Variants in ACSM2A observed in about 807,000 individuals in gnomAD.
The protein encoded by ACSM2A is acyl-coenzyme A synthetase ACSM2A, mitochondrial.
Under a neutral mutation model 76.6 loss-of-function variants are expected in ACSM2A, and 72 were observed. That is an observed-to-expected ratio of 0.94 (90% CI 0.78 to 1.14). The LOEUF is 1.14. ACSM2A is among the 50% of genes most tolerant of loss of function. ACSM2A has a pLI of 0.00. For missense variants in ACSM2A, 684 were observed against 708.5 expected (o/e 0.97, Z 0.39); for synonymous variants, 249 against 255.9 (o/e 0.97, Z 0.26).
Position 20,486,681 on chromosome 16 carries a change from C to T in ACSM2A, c.*3C>T, listed in dbSNP as rs2014398827. The T allele has an allele frequency of 6.2e-7, 1 of 1,614,012 alleles. No homozygotes were observed. The highest frequency in any genetic ancestry group is 8.5e-7 in the Non-Finnish European group (1 of 1,179,878). On this transcript the variant is annotated 3_prime_UTR_variant, in exon 14 of 14. Transcript: ENST00000573854. ...CCGGAAAAGCCCGTGCGCAGTGAGA[C>T]ATCTAAGAGACATTCATTTGGATTC... is the stretch of plus-strand genomic sequence containing the variant.
chr16:20,466,912 T>G (rs35901815), intron 3 of ACSM2A, among the ~76,000 whole-genome samples: 1 of 152,164 alleles, frequency 6.6e-6, no homozygotes, highest in African/African-American at 2.4e-5. Flanking sequence ...GTTATTTTTC[T>G]AAAGGCAGTT....
intron 6 of ACSM2A, chr16:20,474,013 G>C (rs1157791541): frequency 2.2e-6 from 1 of 446,536 alleles, no homozygotes; most frequent in Non-Finnish European, 4.5e-6. Flanking sequence ...CTACCTATAA[G>C]CTGGAAGCCC....
chr16:20,465,347 A>T (rs1433683678), intron 2 of ACSM2A, among the ~76,000 whole-genome samples, 170 bp from the exon 3 acceptor site: 1 of 152,232 alleles, frequency 6.6e-6, no homozygotes, highest in African/African-American at 2.4e-5. Context: ...GACAGATATA[A>T]CTCATATAAA....
At chr16:20,458,307 A>C (rs1206115413) in intron 1 of ACSM2A, among the ~76,000 whole-genome samples, 2 of 148,254 alleles carry the variant, frequency 1.3e-5, no homozygotes, top group Admixed American at 6.8e-5. Flanking sequence ...AAAAAATCCA[A>C]AAATATTGTA....
At chr16:20,454,300 A>G in intron 1 of ACSM2A, among the ~76,000 whole-genome samples, 1 of 151,532 alleles carries the variant, frequency 6.6e-6, no homozygotes, top group Non-Finnish European at 1.5e-5. Context: ...TAGATTGGAA[A>G]AGAATGAGAC....
intron 6 of ACSM2A, among the ~76,000 whole-genome samples, chr16:20,474,531 TA>T (rs1214180095): frequency 6.6e-6 from 1 of 152,126 alleles, no homozygotes; most frequent in Admixed American, 6.5e-5. Context: ...CTGCAAGAAA[TA>T]AATTTATTTT....
At chr16:20,474,701 A>T (rs573735768) in intron 6 of ACSM2A, among the ~76,000 whole-genome samples, 3 of 152,302 alleles carry the variant, frequency 2.0e-5, no homozygotes, top group African/African-American at 7.2e-5. Flanking sequence ...CTTGCTGACT[A>T]GGTGACCTTG....
intron 2 of ACSM2A, among the ~76,000 whole-genome samples, chr16:20,464,357 C>T (rs2355906): frequency 0.072 from 11,027 of 152,192 alleles, 593 homozygotes; most frequent in East Asian, 0.2. Context: ...ATACCTGAGA[C>T]TAGGTAACTT....
At chr16:20,475,045 T>A (rs1411885125) in intron 6 of ACSM2A, among the ~76,000 whole-genome samples, 1 of 152,026 alleles carries the variant, frequency 6.6e-6, no homozygotes, top group Non-Finnish European at 1.5e-5. Flanking sequence ...TGCTGGGGGG[T>A]GATCTACTCC....
chr16:20,481,836 A>G (rs1333085089), intron 12 of ACSM2A: 1 of 125,064 alleles, frequency 8.0e-6, no homozygotes, highest in Non-Finnish European at 1.7e-5. Flanking sequence ...CTTGTACCCA[A>G]TACATATGTA....
chr16:20,469,872 ATTTT>A (rs35674523), intron 4 of ACSM2A, among the ~76,000 whole-genome samples, 153 bp downstream of exon 4: 8 of 67,718 alleles, frequency 1.2e-4, no homozygotes, highest in East Asian at 1.4e-3. Flanking sequence ...ACACAAGGGT[ATTTT>A]TTTTTTTTTT....
chr16:20,480,310 G>A (rs886551146), intron 10 of ACSM2A, among the ~76,000 whole-genome samples: 2 of 152,230 alleles, frequency 1.3e-5, no homozygotes, highest in African/African-American at 4.8e-5. Flanking sequence ...AAGCATGGAT[G>A]AATGAATACA....
intron 4 of ACSM2A, among the ~76,000 whole-genome samples, chr16:20,469,958 A>G (rs1297264390): frequency 6.7e-6 from 1 of 148,962 alleles, no homozygotes; most frequent in Non-Finnish European, 1.5e-5. Flanking sequence ...AGCATATAGA[A>G]TGCCTCCCAG....
chr16:20,473,150 A>C (rs1165265451), intron 6 of ACSM2A, among the ~76,000 whole-genome samples: 1 of 152,162 alleles, frequency 6.6e-6, no homozygotes, highest in African/African-American at 2.4e-5. Context: ...CCAGACATCT[A>C]TTTGGCTGCA....
intron 3 of ACSM2A, among the ~76,000 whole-genome samples, chr16:20,466,957 A>G (rs1386073725): frequency 3.9e-5 from 6 of 152,208 alleles, no homozygotes; most frequent in African/African-American, 1.2e-4. Flanking sequence ...TAGTTTCAGG[A>G]AAGAGCTATT....
At chr16:20,482,134 CAAAAAAAAAA>C (rs768615976) in intron 12 of ACSM2A, 1 of 49,736 alleles carries the variant, frequency 2.0e-5, no homozygotes, top group South Asian at 7.5e-4. Context: ...GACTCTGTCT[CAAAAAAAAAA>C]AAAAAAAAAA....
At chr16:20,475,848 T>C in intron 8 of ACSM2A, 75 bp downstream of exon 8, 1 of 1,597,706 alleles carries the variant, frequency 6.3e-7, no homozygotes, top group Non-Finnish European at 8.5e-7. Flanking sequence ...ATAAAAATTG[T>C]TAGCCACCAT....
chr16:20,461,557 A>C (rs997165367), intron 2 of ACSM2A, among the ~76,000 whole-genome samples: 16 of 152,188 alleles, frequency 1.1e-4, no homozygotes, highest in Non-Finnish European at 2.1e-4. Flanking sequence ...TATTCAACTC[A>C]TATAACAGCA....
chr16:20,467,885 T>A (rs2013110207), intron 3 of ACSM2A, among the ~76,000 whole-genome samples: 1 of 151,896 alleles, frequency 6.6e-6, no homozygotes, highest in South Asian at 2.1e-4. Context: ...CCCAAGAAAC[T>A]CCAGCAACCT....
Sources: allele counts gnomAD v4.1 joint callset (sites outside exome capture counted in the v4.1 genomes callset), GRCh38; gene constraint gnomAD v4.1.1; transcripts MANE v1.5; gene names NCBI Gene and HGNC (gene_info 2026-07-23, HGNC 2026-07-21).